The following DIP2A variants were observed in gnomAD, a reference collection of about 807,000 sequenced individuals.
DIP2A encodes DIP2 acetate--CoA ligase A, also known as disco-interacting protein 2 homolog A.
In DIP2A, 85 loss-of-function variants were observed where a neutral mutation model predicts 177.4. The ratio of observed to expected loss-of-function variants is 0.48; its 90% CI spans 0.40 to 0.57. DIP2A has a LOEUF of 0.57. DIP2A is among the 20% of genes least tolerant of loss of function. The probability of loss-of-function intolerance (pLI) is 0.00; values close to 1 mark genes in which losing one functional copy is unlikely to be tolerated. For synonymous variants in DIP2A, 886 were observed against 881.8 expected, an observed-to-expected ratio of 1.00 and a Z score of -0.08; for missense variants, 1,791 against 2,100.2, an observed-to-expected ratio of 0.85 and a Z score of 2.88.
chr21:46,565,939 G>A, intron 36 of DIP2A, 52 bp downstream of exon 36: 1 of 1,594,522 alleles, frequency 6.3e-7, no homozygotes, highest in South Asian at 1.1e-5. Flanking sequence ...GAGGACCTGG[G>A]CTCCCCAAGA....
chr21:46,526,252 C>G (rs937768740), intron 8 of DIP2A, among the ~76,000 whole-genome samples: 1 of 151,952 alleles, frequency 6.6e-6, no homozygotes, highest in Non-Finnish European at 1.5e-5. Flanking sequence ...GACATCTGTC[C>G]CTCCATTCAA....
At chr21:46,566,004 T>C in intron 36 of DIP2A, 117 bp downstream of exon 36, 1 of 1,217,624 alleles carries the variant, frequency 8.2e-7, no homozygotes, top group Non-Finnish European at 1.2e-6. Context: ...TATTGCTCCT[T>C]GTGGGGGGAA....
intron 6 of DIP2A, among the ~76,000 whole-genome samples, chr21:46,506,724 T>TTTTCTTTCTTTC (rs1555887429): frequency 1.1e-3 from 88 of 78,932 alleles, no homozygotes; most frequent in South Asian, 4.5e-3. Flanking sequence ...TTGTGCTTGT[T>TTTTCTTTCTTTC]TTTCTTTCTT....
chr21:46,569,420 A>C lies in DIP2A; in HGVS notation c.*1798A>C, dbSNP rs188331625. On this transcript the variant is annotated 3_prime_UTR_variant, in exon 38 of 38. Transcript: ENST00000417564. ...AGAATCTATGTAACTTATTGTTGAC[A>C]TACAGAGGTTTGGGAAGTAGTCTAA... 2 of 152,222 alleles carry C rather than the reference A, an allele frequency of 1.3e-5. No individual in the cohort carries two copies. The highest frequency in any genetic ancestry group is 4.1e-4 in the South Asian group (2 of 4,822). 9.4% of individuals were successfully genotyped at this position (152,222 alleles called of 1,614,324 possible). A position where few individuals can be genotyped will look rare whatever the true frequency, so the allele number is the denominator to read the frequency against.
At chr21:46,461,740 C>T (rs2054332713) in intron 1 of DIP2A, among the ~76,000 whole-genome samples, 1 of 152,074 alleles carries the variant, frequency 6.6e-6, no homozygotes, top group South Asian at 2.1e-4. Context: ...CGAAAAATAG[C>T]TTAAGCTGAG....
intron 13 of DIP2A, among the ~76,000 whole-genome samples, chr21:46,535,020 A>G (rs1321409813): frequency 3.9e-5 from 6 of 152,218 alleles, no homozygotes; most frequent in African/African-American, 1.4e-4. Context: ...CTGGGTTCAC[A>G]GGCCTGCCCT....
In DIP2A at chr21:46,533,539, C is replaced by G; in HGVS notation, c.1321C>G (p.Gln441Glu). ...PLTRKDAGSQ[Q>E]VGFLLGSCGV... Reference sequence around the variant, plus strand: ...CTTTCTGCAGGATGCAGGCAGCCAGCAGGTTGGGTTTCTGCTGGGCAGCTG... The same window carrying G: ...CTTTCTGCAGGATGCAGGCAGCCAGGAGGTTGGGTTTCTGCTGGGCAGCTG... The change falls in exon 11 of 38, where the codon CAG becomes GAG. Residue 441 changes from glutamine (Q) to glutamate (E), a missense_variant. Coordinates refer to ENST00000417564, the MANE Select transcript of DIP2A (RefSeq NM_015151.4). The G allele has an allele frequency of 6.2e-7, 1 of 1,613,760 alleles. No individual in the cohort carries two copies. The highest frequency in any genetic ancestry group is 8.5e-7 in the Non-Finnish European group (1 of 1,179,792).
downstream of DIP2A, among the ~76,000 whole-genome samples, chr21:46,570,472 TACTG>T (rs377354437): frequency 2.0e-5 from 3 of 152,234 alleles, no homozygotes; most frequent in Admixed American, 6.5e-5. Context: ...AGTTTTTTCT[TACTG>T]ACATGTAGGA....
intron 9 of DIP2A, among the ~76,000 whole-genome samples, chr21:46,531,786 C>T (rs1378744676): frequency 6.6e-6 from 1 of 152,216 alleles, no homozygotes; most frequent in Non-Finnish European, 1.5e-5. Flanking sequence ...TCTGGGCAAC[C>T]ACTGTTAAAA....
At position 46,459,087 on chromosome 21, in the gene DIP2A, CCCGGT is replaced by C. The variant is rs1569334928; in HGVS notation, c.-39_-35del. 1 of 1,403,980 alleles carries C rather than the reference CCCGGT, an allele frequency of 7.1e-7. No homozygotes were observed. Among genetic ancestry groups the C allele is most frequent in the Admixed American group, 3.2e-5 (1 of 31,738 alleles). 87.0% of individuals were successfully genotyped at this position (1,403,980 alleles called of 1,614,324 possible). ...CGAGGTTTGCGCTGCCGCCGCCAGG[CCCGGT>C]CCGGTTCCAGCCTCTGCCCGGACGC... is the stretch of plus-strand genomic sequence containing the variant. On this transcript the variant is annotated 5_prime_UTR_variant, in exon 1 of 38. Coordinates refer to ENST00000417564, the MANE Select transcript of DIP2A (RefSeq NM_015151.4).
chr21:46,470,333 G>C (rs1228394163), intron 1 of DIP2A, among the ~76,000 whole-genome samples: 2 of 152,194 alleles, frequency 1.3e-5, no homozygotes, highest in South Asian at 4.1e-4. Context: ...TATTAGCCAG[G>C]CGTGGTGGCA....
chr21:46,534,828 A>G, intron 13 of DIP2A, 141 bp downstream of exon 13: 1 of 684,836 alleles, frequency 1.5e-6, no homozygotes, highest in South Asian at 1.8e-5. Flanking sequence ...CATGCCAGGT[A>G]GGGAGATGCA....
intron 9 of DIP2A, among the ~76,000 whole-genome samples, chr21:46,531,144 G>A (rs1019628910): frequency 6.6e-6 from 1 of 152,080 alleles, no homozygotes; most frequent in African/African-American, 2.4e-5. Context: ...CAGTCCAGGG[G>A]GGGCAGCAGA....
intron 13 of DIP2A, among the ~76,000 whole-genome samples, chr21:46,535,280 A>G (rs1368972255): frequency 4.6e-5 from 7 of 151,816 alleles, no homozygotes; most frequent in African/African-American, 1.7e-4. Context: ...TATTTAATTG[A>G]TAAGTACTAA....
intron 18 of DIP2A, among the ~76,000 whole-genome samples, chr21:46,544,903 A>T (rs1001055542): frequency 6.6e-6 from 1 of 152,142 alleles, no homozygotes; most frequent in Non-Finnish European, 1.5e-5. Flanking sequence ...TACATGAAGG[A>T]TGTGTTGTAC....
At position 46,558,216 on chromosome 21, in the gene DIP2A, C is replaced by T; in HGVS notation, c.3799-7C>T. The T allele has an allele frequency of 5.0e-6, 8 of 1,607,252 alleles. No individual in the cohort carries two copies. Among genetic ancestry groups the T allele is most frequent in the Non-Finnish European group, 5.1e-6 (6 of 1,177,088 alleles). ...GGCCGTGGCCTGACCGCTCACCCCT[C>T]CCGCAGATGAAGGGGGTGAACCTGT... On this transcript the variant is annotated splice_polypyrimidine_tract_variant and splice_region_variant and intron_variant, in intron 31 of 37. Coordinates refer to ENST00000417564, the MANE Select transcript of DIP2A (RefSeq NM_015151.4).
Position 46,504,465 on chromosome 21 carries a change from G to C in DIP2A, c.760G>C (p.Gly254Arg). Residue 254 changes from glycine to arginine, a missense_variant, in exon 6 of 38, where the codon GGG (glycine) becomes CGG (arginine). By Grantham distance (125) the Gly-to-Arg change is moderately radical (BLOSUM62 -2). Coordinates refer to ENST00000417564, the MANE Select transcript of DIP2A (RefSeq NM_015151.4). ...SVRSVPRGCS[G>R]SMLETADGVP... ...GAGAAGTGTTCCTCGGGGGTGCAGC[G>C]GGAGCATGCTGGAAACAGCAGATGG... 1 of 1,611,708 alleles carries C rather than the reference G, an allele frequency of 6.2e-7. No homozygotes were observed. Among genetic ancestry groups the C allele is most frequent in the Non-Finnish European group, 8.5e-7 (1 of 1,178,538 alleles).
At chr21:46,566,720 C>A (rs3819044) in intron 37 of DIP2A, 37 bp downstream of exon 37, 1,463,071 of 1,613,052 alleles carry the variant, frequency 0.91, 663,790 homozygotes, top group African/African-American at 0.92. Flanking sequence ...CACGTGGTCC[C>A]TCCAGCCCTT....
chr21:46,516,335 C>G (rs2058571235), intron 8 of DIP2A, among the ~76,000 whole-genome samples: 1 of 151,858 alleles, frequency 6.6e-6, no homozygotes, highest in Non-Finnish European at 1.5e-5. Flanking sequence ...TTCTTCTCTC[C>G]TTCTGGGACT....
Sources: allele counts gnomAD v4.1 joint callset (sites outside exome capture counted in the v4.1 genomes callset), GRCh38; gene constraint gnomAD v4.1.1; transcripts MANE v1.5; gene names NCBI Gene and HGNC (gene_info 2026-07-23, HGNC 2026-07-21).